The following NR6A1 variants were observed in gnomAD, a reference collection of about 807,000 sequenced individuals.
NR6A1 encodes the protein retinoic acid receptor-related testis-associated receptor.
NR6A1 carries 7 observed loss-of-function variants against 59.1 expected under a neutral mutation model. The observed-to-expected ratio is 0.12, with a 90% CI of 0.07 to 0.22. The LOEUF is 0.22. Ranked by LOEUF, NR6A1 falls within the 10% of genes least tolerant of loss-of-function variation. The pLI is 1.00. For synonymous variants in NR6A1, 243 were observed against 236.1 expected, an observed-to-expected ratio of 1.03 and a Z score of -0.27; for missense variants, 468 against 611.6, an observed-to-expected ratio of 0.77 and a Z score of 2.48.
In NR6A1 at chr9:124,555,937, G is replaced by A. The variant is rs138460325; in HGVS notation, c.143-1367C>T. Among the ~76,000 whole-genome samples, 191 of 152,294 alleles carry A rather than the reference G, an allele frequency of 1.3e-3. 1 individual carries two copies. In the South Asian group the frequency reaches 0.017, roughly 14 times the overall value. On this transcript the variant is annotated intron_variant, in intron 2 of 9. Transcript: ENST00000487099. Reference sequence around the variant, plus strand: ...GACATTCCTGAAAGGAAAAGCTTTCGAAGGCAATGTTAGCAGAGGGTCATG... The same window carrying A: ...GACATTCCTGAAAGGAAAAGCTTTCAAAGGCAATGTTAGCAGAGGGTCATG...
At position 124,540,022 on chromosome 9, in the gene NR6A1, T is replaced by G; in HGVS notation, c.596+11A>C. The G allele has an allele frequency of 6.2e-7, 1 of 1,604,314 alleles. No individual in the cohort carries two copies. The highest frequency in any genetic ancestry group is 8.5e-7 in the Non-Finnish European group (1 of 1,175,010). Reference sequence around the variant, plus strand: ...CCTAGATGATGACCATGGGTTTGCCTTAAAGCTCACCTGGAAGACAGTGTG... The same window carrying G: ...CCTAGATGATGACCATGGGTTTGCCGTAAAGCTCACCTGGAAGACAGTGTG... On this transcript the variant is annotated intron_variant, in intron 5 of 9. Transcript: ENST00000487099.
At chr9:124,742,454 G>C (rs538948492) in intron 1 of NR6A1, among the ~76,000 whole-genome samples, 1 of 152,020 alleles carries the variant, frequency 6.6e-6, no homozygotes, top group Non-Finnish European at 1.5e-5. Flanking sequence ...CCAGCTACTC[G>C]AGAGGCTGAG....
intron 2 of NR6A1, among the ~76,000 whole-genome samples, chr9:124,664,992 A>G (rs1837564015): frequency 6.8e-6 from 1 of 148,014 alleles, no homozygotes; most frequent in South Asian, 2.2e-4. Flanking sequence ...GGGCAATATA[A>G]TAAGATCCTT....
chr9:124,742,607 T>C, intron 1 of NR6A1, among the ~76,000 whole-genome samples: 1 of 152,026 alleles, frequency 6.6e-6, no homozygotes, highest in South Asian at 2.1e-4. Context: ...CTGGGCACTG[T>C]GGCTCACGCC....
chr9:124,577,002 G>A (rs565629420), intron 2 of NR6A1, among the ~76,000 whole-genome samples: 35 of 152,276 alleles, frequency 2.3e-4, no homozygotes, highest in African/African-American at 6.5e-4. Flanking sequence ...GCTGTGGTGA[G>A]CCATGACTGC....
intron 2 of NR6A1, among the ~76,000 whole-genome samples, chr9:124,635,988 G>A (rs1285447285): frequency 6.6e-6 from 1 of 152,178 alleles, no homozygotes; most frequent in East Asian, 1.9e-4. Flanking sequence ...ATGAATAAAA[G>A]TTCTTGCCCT....
At chr9:124,576,059 G>A in intron 2 of NR6A1, among the ~76,000 whole-genome samples, 1 of 152,134 alleles carries the variant, frequency 6.6e-6, no homozygotes. Context: ...GTACAGTCAG[G>A]TAGTGAAAAG....
At chr9:124,667,240 C>A (rs1837652445) in intron 2 of NR6A1, among the ~76,000 whole-genome samples, 1 of 151,920 alleles carries the variant, frequency 6.6e-6, no homozygotes, top group South Asian at 2.1e-4. Context: ...GCCATCTTGG[C>A]CAGGCTGGTC....
intron 1 of NR6A1, among the ~76,000 whole-genome samples, chr9:124,762,196 A>C (rs1011465229): frequency 2.2e-4 from 33 of 152,326 alleles, no homozygotes; most frequent in African/African-American, 7.5e-4. Context: ...GAAGGACCCT[A>C]AAGGGTTGAT....
intron 2 of NR6A1, among the ~76,000 whole-genome samples, chr9:124,704,786 C>CTGAGT (rs1839075610): frequency 1.3e-5 from 2 of 152,322 alleles, no homozygotes; most frequent in African/African-American, 4.8e-5. Context: ...ATCACCCAGG[C>CTGAGT]TGAGTGCAGT....
intron 1 of NR6A1, among the ~76,000 whole-genome samples, chr9:124,735,677 A>T (rs1012841043): frequency 5.3e-5 from 8 of 152,214 alleles, no homozygotes; most frequent in African/African-American, 1.9e-4. Context: ...GGCAATGGGA[A>T]TCAGAAAAGC....
At chr9:124,724,049 TAAATA>T (rs1287030347) in intron 2 of NR6A1, among the ~76,000 whole-genome samples, 1 of 152,250 alleles carries the variant, frequency 6.6e-6, no homozygotes, top group African/African-American at 2.4e-5. Flanking sequence ...GGAGGATGGT[TAAATA>T]AATCATGATA....
chr9:124,646,171 C>G, intron 2 of NR6A1, among the ~76,000 whole-genome samples: 1 of 152,004 alleles, frequency 6.6e-6, no homozygotes, highest in East Asian at 1.9e-4. Context: ...CAACCTAAAA[C>G]CAAGCTTCCA....
rs528769924 is a variant in NR6A1, at chr9:124,540,307, T to A, written c.442-120A>T. The A allele has an allele frequency of 9.9e-5, 107 of 1,083,470 alleles. No homozygotes were observed. The African/African-American group carries it at 1.7e-3, about 17-fold the overall frequency. 67.1% of individuals were successfully genotyped at this position (1,083,470 alleles called of 1,614,324 possible). On this transcript the variant is annotated intron_variant, in intron 4 of 9. Transcript: ENST00000487099. ...AGAAACCTAGGTTCCCTCTCCTCCA[T>A]CCCCATATTCCGGGCCTCTCACTAA...
intron 2 of NR6A1, among the ~76,000 whole-genome samples, chr9:124,687,737 A>T (rs1006935767): frequency 1.3e-5 from 2 of 152,218 alleles, no homozygotes; most frequent in Non-Finnish European, 2.9e-5. Context: ...AAGTGCTGGG[A>T]TCAGATGCAA....
In NR6A1 at chr9:124,526,764, A is replaced by G. The variant is rs200974984; in HGVS notation, c.1201+15T>C. 6.2e-7 allele frequency: 1 copy of G among 1,611,982 alleles called. No individual in the cohort carries two copies. Among genetic ancestry groups the G allele is most frequent in the South Asian group, 1.1e-5 (1 of 90,998 alleles). On this transcript the variant is annotated intron_variant, in intron 8 of 9. Coordinates refer to ENST00000487099, the MANE Select transcript of NR6A1 (RefSeq NM_033334.4). ...CCGCACTGCAAACGTCCCTTTTCCC[A>G]CCCCAGCCACTCACCTTGATTTAGG...
chr9:124,642,294 C>G (rs1836789044), intron 2 of NR6A1, among the ~76,000 whole-genome samples: 1 of 152,224 alleles, frequency 6.6e-6, no homozygotes, highest in Non-Finnish European at 1.5e-5. Context: ...GGGTGATCCG[C>G]CCACCTTGGC....
chr9:124,724,632 G>A (rs1477424315), intron 2 of NR6A1, among the ~76,000 whole-genome samples: 1 of 152,104 alleles, frequency 6.6e-6, no homozygotes, highest in African/African-American at 2.4e-5. Context: ...ATTACTTGTA[G>A]GATTATGTTA....
In NR6A1 at chr9:124,536,000, G is replaced by C. The variant is rs147661132; in HGVS notation, c.957C>G (p.Leu319=). 6.8e-6 allele frequency: 11 copies of C among 1,614,230 alleles called. No homozygotes were observed. The highest frequency in any genetic ancestry group is 6.7e-5 in the Admixed American group (4 of 60,032). Residue 319 remains leucine, a synonymous_variant, in exon 7 of 10, where the codon CTC becomes CTG. Coordinates refer to ENST00000487099, the MANE Select transcript of NR6A1 (RefSeq NM_033334.4). ...TTAGCTCCTGCCACGTAGAGCTCAA[G>C]AGGCACGTGTAATCCTTGATTGAGA... is the stretch of plus-strand genomic sequence containing the variant. ...CELSIKDYTC[L]LSSTWQELIL... is the part of the protein sequence containing the mutation.
Sources: allele counts gnomAD v4.1 joint callset (sites outside exome capture counted in the v4.1 genomes callset), GRCh38; gene constraint gnomAD v4.1.1; transcripts MANE v1.5; gene names NCBI Gene and HGNC (gene_info 2026-07-23, HGNC 2026-07-21).